DPYSL2: variants seen among roughly 807,000 people sequenced by gnomAD.
DPYSL2 encodes the protein dihydropyrimidinase-related protein 2.
DPYSL2 carries 13 observed loss-of-function variants against 69.9 expected under a neutral mutation model. That is an observed-to-expected ratio of 0.19 (90% CI 0.12 to 0.30). The LOEUF (loss-of-function observed/expected upper bound fraction) is 0.30. DPYSL2 is among the 10% of genes least tolerant of loss of function. The pLI is 1.00. For missense variants in DPYSL2, 587 were observed against 918.9 expected, an observed-to-expected ratio of 0.64 and a Z score of 4.67; for synonymous variants, 326 against 359.1, an observed-to-expected ratio of 0.91 and a Z score of 1.04.
intron 3 of DPYSL2, among the ~76,000 whole-genome samples, chr8:26,608,500 G>A (rs1448247699): frequency 1.3e-5 from 2 of 152,202 alleles, no homozygotes; most frequent in Non-Finnish European, 2.9e-5. Context: ...AGGACGAAGA[G>A]AAAATACCTG....
chr8:26,649,217 G>A (rs547054943), intron 11 of DPYSL2, among the ~76,000 whole-genome samples: 3 of 152,236 alleles, frequency 2.0e-5, no homozygotes, highest in Non-Finnish European at 4.4e-5. Flanking sequence ...TTGCGGTTGA[G>A]CCAGAATTAG....
chr8:26,631,775 T>A (rs1165799780), intron 7 of DPYSL2, among the ~76,000 whole-genome samples: 2 of 151,974 alleles, frequency 1.3e-5, no homozygotes, highest in Non-Finnish European at 2.9e-5. Flanking sequence ...GGAGGGGGGA[T>A]GCAGGGGGTT....
chr8:26,586,246 C>T lies in DPYSL2; in HGVS notation c.628+2263C>T, dbSNP rs1801600618. Among the ~76,000 whole-genome samples, 1 of 152,146 alleles carries T rather than the reference C, an allele frequency of 6.6e-6. No homozygotes were observed. The highest frequency in any genetic ancestry group is 1.5e-5 in the Non-Finnish European group (1 of 68,028). ...CTTGCCGTGTGACCTTGAGTCACTA[C>T]CCTACTCTGTGTTCTAGCTGTGTGT... On this transcript the variant is annotated intron_variant, in intron 3 of 13. Transcript: ENST00000521913. This position sits in a 1 kb window ranked among gnomAD's most constrained non-coding sequence, Gnocchi z 4.7.
intron 1 of DPYSL2, among the ~76,000 whole-genome samples, chr8:26,522,636 TTG>T (rs1808407488): frequency 6.6e-6 from 1 of 152,210 alleles, no homozygotes; most frequent in Admixed American, 6.5e-5. Context: ...TATGGGCCGT[TTG>T]TGTGTCTTCT....
At chr8:26,635,035 A>G in intron 8 of DPYSL2, 135 bp downstream of exon 8, 2 of 1,331,722 alleles carry the variant, frequency 1.5e-6, no homozygotes, top group South Asian at 1.5e-5. Flanking sequence ...GCATTAACCT[A>G]ATTACAGCCG....
chr8:26,629,022 C>T (rs987988163), intron 7 of DPYSL2, among the ~76,000 whole-genome samples: 11 of 152,044 alleles, frequency 7.2e-5, no homozygotes, highest in African/African-American at 2.7e-4. Context: ...TGGTTGGGAT[C>T]CTTTCAGACT....
intron 3 of DPYSL2, among the ~76,000 whole-genome samples, chr8:26,606,618 A>G (rs1357410173): frequency 1.3e-5 from 2 of 152,220 alleles, no homozygotes; most frequent in Admixed American, 1.3e-4. Flanking sequence ...TAATTCCACC[A>G]TTGAACTATA....
intron 1 of DPYSL2, among the ~76,000 whole-genome samples, chr8:26,524,713 A>G (rs1808446947): frequency 6.9e-6 from 1 of 145,600 alleles, no homozygotes; most frequent in African/African-American, 2.5e-5. Context: ...GAGGCAGGAG[A>G]ATCGCTTGAA....
At position 26,620,478 on chromosome 8, in the gene DPYSL2, A is replaced by C. The variant is rs939278153; in HGVS notation, c.629-3665A>C. Among the ~76,000 whole-genome samples the C allele has an allele frequency of 1.3e-5, 2 of 152,012 alleles. No individual in the cohort carries two copies. The highest frequency in any genetic ancestry group is 4.8e-5 in the African/African-American group (2 of 41,370). On this transcript the variant is annotated intron_variant, in intron 3 of 13. Transcript: ENST00000521913. The surrounding 1 kb of genome is among the most constrained non-coding windows in gnomAD (Gnocchi z 4.5). ...ATCATGTTGCCCAGGCTGGTCTCGAACTCCTGGCCTCAAGTGATCTTTTGC... is the reference window on the plus strand; with the variant it reads ...ATCATGTTGCCCAGGCTGGTCTCGACCTCCTGGCCTCAAGTGATCTTTTGC...
chr8:26,570,024 C>T (rs1801213027), intron 1 of DPYSL2, among the ~76,000 whole-genome samples: 1 of 152,080 alleles, frequency 6.6e-6, no homozygotes, highest in Non-Finnish European at 1.5e-5. Context: ...AGACTCTTGT[C>T]TCTACTAAAA....
rs1207677819 is a variant in DPYSL2, at chr8:26,620,989, A to G, written c.629-3154A>G. ...CATATAAATACACACGTACATACAT[A>G]CACATACATACATGCCTCTTTCCTG... On this transcript the variant is annotated intron_variant, in intron 3 of 13. Transcript: ENST00000521913. The surrounding 1 kb of genome is among the most constrained non-coding windows in gnomAD (Gnocchi z 4.5). Among the ~76,000 whole-genome samples the G allele has an allele frequency of 6.6e-6, 1 of 152,216 alleles. No individual in the cohort carries two copies. The highest frequency in any genetic ancestry group is 2.4e-5 in the African/African-American group (1 of 41,446).
chr8:26,521,961 G>A (rs1563373117), intron 1 of DPYSL2, among the ~76,000 whole-genome samples: 2 of 151,956 alleles, frequency 1.3e-5, no homozygotes, highest in African/African-American at 4.8e-5. Flanking sequence ...CCACCTTTTG[G>A]CTATTAGGAA....
chr8:26,575,580 A>G (rs1349476348), intron 1 of DPYSL2, among the ~76,000 whole-genome samples: 1 of 152,136 alleles, frequency 6.6e-6, no homozygotes, highest in Non-Finnish European at 1.5e-5. Flanking sequence ...ATTTTTGGAT[A>G]TTTACGAGTG....
intron 1 of DPYSL2, among the ~76,000 whole-genome samples, chr8:26,543,491 G>GT (rs35290709): frequency 0.23 from 33,274 of 143,574 alleles, 3,882 homozygotes; most frequent in Middle Eastern, 0.33. Context: ...CTCTACCTTG[G>GT]TTTTTTTTTT....
In DPYSL2 at chr8:26,514,753, CG is replaced by C; in HGVS notation, c.354+75del. The C allele has an allele frequency of 2.3e-6, 3 of 1,288,762 alleles. No homozygotes were observed. The highest frequency in any genetic ancestry group is 3.0e-6 in the Non-Finnish European group (3 of 996,510). The allele number at this position is 1,288,762 out of a possible 1,614,324, so 79.8% of individuals were successfully genotyped here. ...GCCCCTCCCTCGCCCCTGAGCCCGG[CG>C]CGCCCGCCTTCATGCCCCGCCCTGG... is the stretch of plus-strand genomic sequence containing the variant. On this transcript the variant is annotated intron_variant, in intron 1 of 13. Coordinates refer to ENST00000521913, the MANE Select transcript of DPYSL2 (RefSeq NM_001197293.3). The surrounding 1 kb of genome is among the most constrained non-coding windows in gnomAD (Gnocchi z 8.4).
Position 26,653,212 on chromosome 8 carries a change from G to A in DPYSL2, c.1777-20G>A. On this transcript the variant is annotated intron_variant, in intron 12 of 13. Coordinates refer to ENST00000521913, the MANE Select transcript of DPYSL2 (RefSeq NM_001197293.3). This position sits in a 1 kb window ranked among gnomAD's most constrained non-coding sequence, Gnocchi z 5.7. ...CTCTGTGGCTGTGGCCTGAGCTGGG[G>A]GGACTCTTGTGTTTTGCAGCTGGCT... 2.5e-6 allele frequency: 4 copies of A among 1,611,556 alleles called. No homozygotes were observed. Among genetic ancestry groups the A allele is most frequent in the Non-Finnish European group, 3.4e-6 (4 of 1,178,534 alleles).
At chr8:26,551,086 C>T (rs944029674) in intron 1 of DPYSL2, among the ~76,000 whole-genome samples, 4 of 152,214 alleles carry the variant, frequency 2.6e-5, no homozygotes, top group African/African-American at 9.6e-5. Context: ...CCTTCATAGA[C>T]ATACCTGGGA....
At chr8:26,592,825 T>C (rs1801773533) in intron 3 of DPYSL2, among the ~76,000 whole-genome samples, 1 of 152,164 alleles carries the variant, frequency 6.6e-6, no homozygotes, top group African/African-American at 2.4e-5. Flanking sequence ...CCAAGGGATT[T>C]GTGTTTTCTG....
intron 7 of DPYSL2, among the ~76,000 whole-genome samples, chr8:26,634,301 G>T (rs1467265989): frequency 1.3e-5 from 2 of 152,028 alleles, no homozygotes; most frequent in Non-Finnish European, 2.9e-5. Flanking sequence ...GTCTCACTTT[G>T]TTGCCCAGGT....
Sources: gnomAD v4.1 joint callset for allele counts (sites outside exome capture counted in the v4.1 genomes callset) on GRCh38, gnomAD v4.1.1 for gene constraint, Gnocchi (gnomAD v3.1) non-coding constraint, MANE v1.5 for transcripts, NCBI Gene and HGNC (gene_info 2026-07-23, HGNC 2026-07-21) for gene names.